Variants in RHOQ observed in about 807,000 individuals in gnomAD.
RHOQ encodes ras homolog family member Q.
Under a neutral mutation model 25.8 loss-of-function variants are expected in RHOQ, and 7 were observed. The ratio of observed to expected loss-of-function variants is 0.27; its 90% CI spans 0.15 to 0.51. The LOEUF (loss-of-function observed/expected upper bound fraction) is 0.51, where lower values mean the gene tolerates loss of function less well. RHOQ is among the 20% of genes least tolerant of loss of function. RHOQ has a pLI of 0.97. For missense variants in RHOQ, 165 were observed against 260.6 expected (o/e 0.63, Z 2.53); for synonymous variants, 97 against 98.6 (o/e 0.98, Z 0.10).
intron 4 of RHOQ, 81 bp from the exon 5 acceptor site, chr2:46,580,847 T>C (rs1293759599): frequency 1.4e-5 from 14 of 999,388 alleles, no homozygotes; most frequent in Non-Finnish European, 1.8e-5. Context: ...TTTTATAATT[T>C]TCTTTATAAT....
intron 4 of RHOQ, 94 bp from the exon 5 acceptor site, chr2:46,580,834 G>A (rs961627364): frequency 3.3e-6 from 3 of 905,822 alleles, no homozygotes; most frequent in African/African-American, 3.4e-5. Flanking sequence ...TTGCATAGCT[G>A]TATTTTATAA....
Position 46,555,200 on chromosome 2 carries a change from C to T in RHOQ, c.201+11388C>T, listed in dbSNP as rs1668377157. Reference sequence around the variant, plus strand: ...GCTGAGGCACCCCATGACCTCCTCACCTCTGACTCCGGCCCTCTAGTGGTC... The same window carrying T: ...GCTGAGGCACCCCATGACCTCCTCATCTCTGACTCCGGCCCTCTAGTGGTC... On this transcript the variant is annotated intron_variant, in intron 2 of 4. Coordinates refer to ENST00000238738, the MANE Select transcript of RHOQ (RefSeq NM_012249.4). This position sits in a 1 kb window ranked among gnomAD's most constrained non-coding sequence, Gnocchi z 4.3. Among the ~76,000 whole-genome samples, 1 of 152,268 alleles carries T rather than the reference C, an allele frequency of 6.6e-6. No individual in the cohort carries two copies. Among genetic ancestry groups the T allele is most frequent in the African/African-American group, 2.4e-5 (1 of 41,472 alleles).
At chr2:46,554,123 T>G (rs113812847) in intron 2 of RHOQ, among the ~76,000 whole-genome samples, 43 of 44,814 alleles carry the variant, frequency 9.6e-4, no homozygotes, top group African/African-American at 2.3e-3. Flanking sequence ...GTGTGTGTGT[T>G]TTTTTTTTTT....
intron 2 of RHOQ, among the ~76,000 whole-genome samples, chr2:46,553,644 G>C (rs911448390): frequency 6.6e-6 from 1 of 151,624 alleles, no homozygotes; most frequent in African/African-American, 2.4e-5. Flanking sequence ...GCAGTGGCAC[G>C]GTCTTGGCTC....
chr2:46,577,492 C>T (rs56086832), intron 4 of RHOQ, among the ~76,000 whole-genome samples: 32,002 of 147,578 alleles, frequency 0.22, 4,126 homozygotes, highest in Admixed American at 0.28. Context: ...CTCTGCCTCC[C>T]GTGTTCATGC....
At chr2:46,544,422 T>A (rs559633051) in intron 2 of RHOQ, among the ~76,000 whole-genome samples, 2 of 152,264 alleles carry the variant, frequency 1.3e-5, no homozygotes, top group Admixed American at 6.5e-5. Context: ...TTAGAGTGAA[T>A]CTTGGAGGAG....
At chr2:46,543,852 C>T (rs903983144) in intron 2 of RHOQ, 40 bp downstream of exon 2, 1 of 1,583,574 alleles carries the variant, frequency 6.3e-7, no homozygotes, top group Middle Eastern at 1.7e-4. Context: ...CCCTCCTGTT[C>T]CCCAGTTCTT....
At chr2:46,560,963 A>C (rs904248451) in intron 2 of RHOQ, among the ~76,000 whole-genome samples, 1 of 151,548 alleles carries the variant, frequency 6.6e-6, no homozygotes, top group African/African-American at 2.4e-5. Flanking sequence ...ATGTAGCCCT[A>C]TCTCAAATGC....
At chr2:46,547,329 G>T (rs1489590000) in intron 2 of RHOQ, among the ~76,000 whole-genome samples, 1 of 152,232 alleles carries the variant, frequency 6.6e-6, no homozygotes, top group Non-Finnish European at 1.5e-5. Context: ...GGCATCATTT[G>T]TCCGACTGAC....
At chr2:46,559,316 A>C (rs1487128015) in intron 2 of RHOQ, among the ~76,000 whole-genome samples, 1 of 152,170 alleles carries the variant, frequency 6.6e-6, no homozygotes, top group Non-Finnish European at 1.5e-5. Context: ...TTGATGGTAT[A>C]TCATCTCTGA....
At chr2:46,561,917 C>T (rs1259857517) in intron 2 of RHOQ, among the ~76,000 whole-genome samples, 1 of 152,248 alleles carries the variant, frequency 6.6e-6, no homozygotes, top group Non-Finnish European at 1.5e-5. Context: ...GACCTCGGGC[C>T]AGGCCCTCTG....
chr2:46,575,611 G>T (rs1450229163), intron 2 of RHOQ, among the ~76,000 whole-genome samples: 1 of 152,080 alleles, frequency 6.6e-6, no homozygotes, highest in Non-Finnish European at 1.5e-5. Context: ...CTGTGCTTCA[G>T]TTTACTCAAA....
intron 2 of RHOQ, among the ~76,000 whole-genome samples, chr2:46,564,089 G>C (rs1668656246): frequency 6.6e-6 from 1 of 152,030 alleles, no homozygotes; most frequent in Non-Finnish European, 1.5e-5. Context: ...AGGATTGCTT[G>C]AGCTCAGGAG....
intron 1 of RHOQ, 200 bp downstream of exon 1, chr2:46,543,388 C>A: frequency 1.6e-6 from 1 of 616,654 alleles, no homozygotes; most frequent in Non-Finnish European, 2.8e-6. Flanking sequence ...CTCTCCCACC[C>A]GCCCCCTACG....
At chr2:46,575,528 TA>T (rs1669087273) in intron 2 of RHOQ, among the ~76,000 whole-genome samples, 2 of 151,466 alleles carry the variant, frequency 1.3e-5, no homozygotes. Context: ...GACTCTGGAG[TA>T]AAAACTGCCA....
intron 2 of RHOQ, among the ~76,000 whole-genome samples, chr2:46,549,707 C>T (rs746426438): frequency 2.8e-4 from 42 of 152,150 alleles, no homozygotes; most frequent in Non-Finnish European, 5.0e-4. Context: ...TTTGTCATTC[C>T]TCTTTTGGTT....
At chr2:46,572,972 G>A (rs1458648323) in intron 2 of RHOQ, among the ~76,000 whole-genome samples, 4 of 152,176 alleles carry the variant, frequency 2.6e-5, no homozygotes, top group Non-Finnish European at 5.9e-5. Context: ...AGTATGCACA[G>A]GGGATAATTT....
Position 46,576,547 on chromosome 2 carries a change from C to T in RHOQ, c.367-14C>T. On this transcript the variant is annotated splice_polypyrimidine_tract_variant and intron_variant, in intron 3 of 4. Transcript: ENST00000238738. The surrounding 1 kb of genome is among the most constrained non-coding windows in gnomAD (Gnocchi z 5.1). ...TTGTAATATTATGGGACATTATTGA[C>T]CTTTCTTAATTAGATTGATCTCCGA... The T allele has an allele frequency of 6.7e-7, 1 of 1,499,876 alleles. No homozygotes were observed. Among genetic ancestry groups the T allele is most frequent in the Non-Finnish European group, 9.2e-7 (1 of 1,088,186 alleles). The allele number at this position is 1,499,876 out of a possible 1,614,324, so 92.9% of individuals were successfully genotyped here. A position where few individuals can be genotyped will look rare whatever the true frequency, so the allele number is the denominator to read the frequency against.
intron 2 of RHOQ, among the ~76,000 whole-genome samples, chr2:46,561,976 T>A (rs1334187304): frequency 6.6e-6 from 1 of 152,194 alleles, no homozygotes; most frequent in Non-Finnish European, 1.5e-5. Context: ...TTGCTGCCAG[T>A]GTCTCACTGG....
Sources: allele counts gnomAD v4.1 joint callset (sites outside exome capture counted in the v4.1 genomes callset), GRCh38; gene constraint gnomAD v4.1.1; non-coding constraint Gnocchi (gnomAD v3.1); transcripts MANE v1.5; gene names NCBI Gene and HGNC (gene_info 2026-07-23, HGNC 2026-07-21).